DACH1: variants seen among roughly 807,000 people sequenced by gnomAD.
The protein encoded by DACH1 is dachshund family transcription factor 1, also known as dachshund homolog 1.
Under a neutral mutation model 54.2 loss-of-function variants are expected in DACH1, and 12 were observed. The ratio of observed to expected loss-of-function variants is 0.22; its 90% CI spans 0.14 to 0.36. The LOEUF (loss-of-function observed/expected upper bound fraction) is 0.36, where lower values mean the gene tolerates loss of function less well. DACH1 is among the 10% of genes least tolerant of loss of function. The probability of loss-of-function intolerance (pLI) is 1.00; values close to 1 mark genes in which losing one functional copy is unlikely to be tolerated. For missense variants in DACH1, 805 were observed against 929.8 expected (o/e 0.87, Z 1.75); for synonymous variants, 386 against 366.2 (o/e 1.05, Z -0.62).
At chr13:71,755,852 C>T (rs1394940941) in intron 1 of DACH1, among the ~76,000 whole-genome samples, 2 of 151,964 alleles carry the variant, frequency 1.3e-5, no homozygotes, top group Non-Finnish European at 2.9e-5. Context: ...ATATGGAAAC[C>T]ATTACTTTTA....
At position 71,661,640 on chromosome 13, in the gene DACH1, GA is replaced by G. The variant is rs537422102; in HGVS notation, c.964+20154del. Among the ~76,000 whole-genome samples, 133 of 151,882 alleles carry G rather than the reference GA, an allele frequency of 8.8e-4. 1 individual carries two copies. Among genetic ancestry groups the G allele is most frequent in the African/African-American group, 3.1e-3 (129 of 41,498 alleles). ...TAAAATATCAAATGAAAATCTTCAAGAAAAAAAGATCCCTTGAAATTAAGTT... is the reference window on the plus strand; with the variant it reads ...TAAAATATCAAATGAAAATCTTCAAGAAAAAAGATCCCTTGAAATTAAGTT... On this transcript the variant is annotated intron_variant, in intron 2 of 10. Coordinates refer to ENST00000613252, the MANE Select transcript of DACH1 (RefSeq NM_080759.6).
intron 1 of DACH1, among the ~76,000 whole-genome samples, chr13:71,707,872 T>G (rs1002689482): frequency 6.6e-6 from 1 of 152,068 alleles, no homozygotes; most frequent in African/African-American, 2.4e-5. Flanking sequence ...GATGGGTAAG[T>G]GAGCCATACT....
At chr13:71,713,410 T>G (rs1186131235) in intron 1 of DACH1, among the ~76,000 whole-genome samples, 2 of 152,196 alleles carry the variant, frequency 1.3e-5, no homozygotes, top group Non-Finnish European at 2.9e-5. Flanking sequence ...AATATATTAT[T>G]GTTCTCTTAT....
At chr13:71,862,978 C>T (rs943040902) in intron 1 of DACH1, among the ~76,000 whole-genome samples, 10 of 151,986 alleles carry the variant, frequency 6.6e-5, no homozygotes, top group African/African-American at 2.2e-4. Flanking sequence ...CTCAGCTTCT[C>T]TTATACTCTA....
At chr13:71,733,996 C>CTGAG in intron 1 of DACH1, among the ~76,000 whole-genome samples, 2 of 151,952 alleles carry the variant, frequency 1.3e-5, no homozygotes, top group Middle Eastern at 6.8e-3. Flanking sequence ...TTGCACTGAG[C>CTGAG]TGAGATTGCA....
chr13:71,441,376 T>C (rs1593698442), intron 10 of DACH1, among the ~76,000 whole-genome samples: 1 of 152,012 alleles, frequency 6.6e-6, no homozygotes, highest in Non-Finnish European at 1.5e-5. Flanking sequence ...GAAGCACTAA[T>C]AAGAAATAGG....
At chr13:71,705,250 T>C (rs1055796045) in intron 1 of DACH1, among the ~76,000 whole-genome samples, 2 of 152,210 alleles carry the variant, frequency 1.3e-5, no homozygotes, top group African/African-American at 4.8e-5. Context: ...GTAATAATAT[T>C]TTGTGTTAAG....
intron 1 of DACH1, among the ~76,000 whole-genome samples, chr13:71,837,938 G>T (rs113224742): frequency 0.06 from 8,224 of 136,488 alleles, 653 homozygotes; most frequent in African/African-American, 0.18. Context: ...CTCACTCATA[G>T]GTGGGAATTG....
At chr13:71,555,475 T>C (rs28495840) in intron 6 of DACH1, among the ~76,000 whole-genome samples, 19,388 of 151,480 alleles carry the variant, frequency 0.13, 2,835 homozygotes, top group African/African-American at 0.36. Context: ...TCCCGAGTAG[T>C]TGGGACTACA....
rs114811694 is a variant in DACH1, at chr13:71,525,333, G to A, written c.1570+31691C>T. Among the ~76,000 whole-genome samples, 936 of 152,162 alleles carry A rather than the reference G, an allele frequency of 6.2e-3. 9 individuals are homozygous for A. Among genetic ancestry groups the A allele is most frequent in the African/African-American group, 0.02 (849 of 41,516 alleles). Reference sequence around the variant, plus strand: ...GCCTTGCTCAGAGCCTGTGGGTGGAGAGAATCAAAGAAATCTTTTTTAAAA... The same window carrying A: ...GCCTTGCTCAGAGCCTGTGGGTGGAAAGAATCAAAGAAATCTTTTTTAAAA... On this transcript the variant is annotated intron_variant, in intron 6 of 10. Transcript: ENST00000613252.
At chr13:71,529,230 A>G (rs563196350) in intron 6 of DACH1, among the ~76,000 whole-genome samples, 28 of 133,980 alleles carry the variant, frequency 2.1e-4, no homozygotes, top group African/African-American at 8.5e-4. Context: ...TGTGTCACCC[A>G]GCCTGGAGTG....
chr13:71,602,339 CTGTG>C (rs1053452665), intron 3 of DACH1, among the ~76,000 whole-genome samples: 4 of 151,950 alleles, frequency 2.6e-5, no homozygotes, highest in African/African-American at 9.7e-5. Context: ...GAAGGAAAAT[CTGTG>C]TGTGTTTTCT....
At chr13:71,562,369 GAGAGAA>G (rs1192735672) in intron 4 of DACH1, among the ~76,000 whole-genome samples, 4 of 152,244 alleles carry the variant, frequency 2.6e-5, no homozygotes, top group South Asian at 2.1e-4. Flanking sequence ...GTGGGAGGGA[GAGAGAA>G]AGAGAAAGAG....
At chr13:71,590,107 T>C (rs1351289082) in intron 3 of DACH1, among the ~76,000 whole-genome samples, 3 of 152,122 alleles carry the variant, frequency 2.0e-5, no homozygotes, top group Non-Finnish European at 4.4e-5. Flanking sequence ...ACATTACGGC[T>C]GTTCTTCAGA....
chr13:71,554,586 A>G (rs1321257574), intron 6 of DACH1, among the ~76,000 whole-genome samples: 1 of 152,150 alleles, frequency 6.6e-6, no homozygotes, highest in East Asian at 1.9e-4. Flanking sequence ...TGGCCTTGCT[A>G]TTAATCCTTA....
intron 1 of DACH1, among the ~76,000 whole-genome samples, chr13:71,787,102 G>T (rs1415099171): frequency 6.6e-6 from 1 of 152,138 alleles, no homozygotes; most frequent in African/African-American, 2.4e-5. Flanking sequence ...CTCAAATCTT[G>T]TTGGTGAGAT....
rs541963822 is a variant in DACH1, at chr13:71,813,528, C to T, written c.848+52394G>A. Among the ~76,000 whole-genome samples the T allele has an allele frequency of 3.3e-3, 504 of 152,242 alleles. 3 individuals carry two copies. The highest frequency in any genetic ancestry group is 0.012 in the African/African-American group (488 of 41,542). On this transcript the variant is annotated intron_variant, in intron 1 of 10. Transcript: ENST00000613252. ...TTCCACTAATGAGGTTGCCTTTCTT[C>T]ATTCTGAGGGAGGATGTATTCTCCT... is the stretch of plus-strand genomic sequence containing the variant.
chr13:71,445,300 A>G (rs1874351840), intron 10 of DACH1, among the ~76,000 whole-genome samples: 1 of 152,234 alleles, frequency 6.6e-6, no homozygotes, highest in African/African-American at 2.4e-5. Flanking sequence ...TTAGATTTGT[A>G]AAATATACCA....
chr13:71,521,636 T>A (rs551754161), intron 6 of DACH1, among the ~76,000 whole-genome samples: 2 of 152,228 alleles, frequency 1.3e-5, no homozygotes, highest in South Asian at 4.1e-4. Context: ...GAAGCCATAA[T>A]CTATCATTCT....
Sources: gnomAD v4.1 joint callset for allele counts (sites outside exome capture counted in the v4.1 genomes callset) on GRCh38, gnomAD v4.1.1 for gene constraint, MANE v1.5 for transcripts, NCBI Gene and HGNC (gene_info 2026-07-23, HGNC 2026-07-21) for gene names.